The following LARP4B variants were observed in gnomAD, a reference collection of about 807,000 sequenced individuals.
LARP4B encodes La ribonucleoprotein 4B.
LARP4B carries 12 observed loss-of-function variants against 89.8 expected under a neutral mutation model. That is an observed-to-expected ratio of 0.13 (90% CI 0.09 to 0.22). The LOEUF (loss-of-function observed/expected upper bound fraction) is 0.22. Among genes scored for constraint, LARP4B ranks in the 10% least tolerant of loss-of-function variants. LARP4B has a pLI of 1.00. For synonymous variants in LARP4B, 367 were observed against 363.3 expected, an observed-to-expected ratio of 1.01 and a Z score of -0.12; for missense variants, 757 against 947.7, an observed-to-expected ratio of 0.80 and a Z score of 2.64.
At chr10:860,127 T>TGGGG (rs60607691) in intron 5 of LARP4B, among the ~76,000 whole-genome samples, 21 of 96,200 alleles carry the variant, frequency 2.2e-4, no homozygotes, top group East Asian at 8.0e-4. Context: ...TGTGTGGGGG[T>TGGGG]GGGGGGGAGG....
At chr10:953,779 C>T in the LARP4B span, among the ~76,000 whole-genome samples, 3 of 152,202 alleles carry the variant, frequency 2.0e-5, no homozygotes, top group South Asian at 2.1e-4. Flanking sequence ...GAAGAGACGC[C>T]GGTTGTAAGG....
At chr10:917,238 CT>C (rs1205581767) in intron 1 of LARP4B, among the ~76,000 whole-genome samples, 1 of 152,132 alleles carries the variant, frequency 6.6e-6, no homozygotes, top group African/African-American at 2.4e-5. Context: ...GTCGAGGAAG[CT>C]TTTTTCTTTC....
At chr10:808,178 T>TAC (rs1441530649), downstream of LARP4B, 1 of 152,276 alleles carries the variant, frequency 6.6e-6, no homozygotes, top group African/African-American at 2.4e-5. Context: ...AATCCACAGA[T>TAC]ACACGGTGGT....
At chr10:843,103 T>C (rs201848603) in intron 6 of LARP4B, 35 bp from the exon 7 acceptor site, 281 of 1,597,296 alleles carry the variant, frequency 1.8e-4, no homozygotes, top group Non-Finnish European at 2.4e-4. Flanking sequence ...TAATCAGTAT[T>C]TCTTTAAAAG....
chr10:949,793 TC>T, the LARP4B span, among the ~76,000 whole-genome samples: 2 of 152,228 alleles, frequency 1.3e-5, no homozygotes, highest in East Asian at 3.8e-4. Context: ...TGCTGATTTT[TC>T]TAACTGGACT....
At chr10:971,378 T>C in the LARP4B span, 13 of 152,144 alleles carry the variant, frequency 8.5e-5, no homozygotes, top group Admixed American at 3.9e-4. Flanking sequence ...ACATGTAGAA[T>C]GTGGAACTGA....
intron 1 of LARP4B, among the ~76,000 whole-genome samples, chr10:919,040 C>T (rs1836908573): frequency 6.6e-6 from 1 of 152,100 alleles, no homozygotes; most frequent in South Asian, 2.1e-4. Context: ...GAGATCAAGC[C>T]ACTGCACTCC....
chr10:841,310 CA>C (rs1300495233), intron 7 of LARP4B, among the ~76,000 whole-genome samples: 1 of 152,140 alleles, frequency 6.6e-6, no homozygotes, highest in African/African-American at 2.4e-5. Flanking sequence ...TAGGTTCTTA[CA>C]AAGGCATGTA....
At chr10:886,453 A>G (rs1835860835) in intron 1 of LARP4B, among the ~76,000 whole-genome samples, 1 of 152,224 alleles carries the variant, frequency 6.6e-6, no homozygotes. Flanking sequence ...CTGAGTATTT[A>G]TCCAAAGGCA....
rs535995912 is a variant in LARP4B, at chr10:914,213, T to C, written c.-40+17215A>G. On this transcript the variant is annotated intron_variant, in intron 1 of 17. Coordinates refer to ENST00000316157, the MANE Select transcript of LARP4B (RefSeq NM_015155.3). ...TGGGTTTTTCACTGGAAATTCGAGTTACTAAGAGTTAAAATTGTAGTTAAT... is the reference window on the plus strand; with the variant it reads ...TGGGTTTTTCACTGGAAATTCGAGTCACTAAGAGTTAAAATTGTAGTTAAT... Among the ~76,000 whole-genome samples the C allele has an allele frequency of 2.6e-5, 4 of 152,300 alleles. No individual in the cohort carries two copies. The East Asian group carries it at 7.7e-4, about 29-fold the overall frequency.
the LARP4B span, chr10:972,626 A>G: frequency 4.4e-6 from 2 of 457,402 alleles, no homozygotes; most frequent in Admixed American, 4.7e-5. Context: ...CCAAGCAATC[A>G]TGAAACATTC....
Position 829,386 on chromosome 10 carries a change from A to G in LARP4B, c.1124T>C (p.Leu375Ser), listed in dbSNP as rs1180183310. Residue 375 changes from leucine to serine, a missense_variant and splice_region_variant, in exon 11 of 18, where the codon TTG becomes TCG. Transcript: ENST00000316157. ...SATHSYLDPP[L>S]VTPFPNTGFI... ...ATTCCTAGTAAAGAAATGACGTACCAAGGGTGGGTCAAGATAGCTGTGCGT... is the reference window on the plus strand; with the variant it reads ...ATTCCTAGTAAAGAAATGACGTACCGAGGGTGGGTCAAGATAGCTGTGCGT... 4.4e-6 allele frequency: 7 copies of G among 1,590,520 alleles called. No individual in the cohort carries two copies. Among genetic ancestry groups the G allele is most frequent in the Non-Finnish European group, 6.0e-6 (7 of 1,166,980 alleles).
At chr10:926,878 G>A (rs1837151877) in intron 1 of LARP4B, among the ~76,000 whole-genome samples, 1 of 152,008 alleles carries the variant, frequency 6.6e-6, no homozygotes, top group Non-Finnish European at 1.5e-5. Context: ...TTGTACTAAA[G>A]TACAAAAATT....
At chr10:988,214 G>C in the LARP4B span, 2 of 455,788 alleles carry the variant, frequency 4.4e-6, no homozygotes, top group East Asian at 3.9e-5. Flanking sequence ...TACTCAGCAG[G>C]AATTTAGTCT....
At chr10:865,379 G>A (rs1834848774) in intron 3 of LARP4B, among the ~76,000 whole-genome samples, 3 of 152,142 alleles carry the variant, frequency 2.0e-5, no homozygotes, top group South Asian at 4.1e-4. Context: ...GTCCCACAGG[G>A]CAGTCCTCTA....
chr10:843,150 G>A, intron 6 of LARP4B, 82 bp from the exon 7 acceptor site: 1 of 1,215,538 alleles, frequency 8.2e-7, no homozygotes, highest in South Asian at 1.4e-5. Context: ...TTCACAAGAG[G>A]CGTGAGTGTG....
At chr10:839,070 G>C (rs762858059) in intron 7 of LARP4B, among the ~76,000 whole-genome samples, 1 of 152,218 alleles carries the variant, frequency 6.6e-6, no homozygotes, top group Non-Finnish European at 1.5e-5. Flanking sequence ...CAAAACTACA[G>C]AGGCAGTAAA....
chr10:859,364 A>G (rs1451149169), intron 5 of LARP4B, among the ~76,000 whole-genome samples: 2 of 152,172 alleles, frequency 1.3e-5, no homozygotes, highest in African/African-American at 4.8e-5. Flanking sequence ...GGAATGTAAA[A>G]TACTATGGCC....
Position 827,213 on chromosome 10 carries a change from T to C in LARP4B, c.1126-1343A>G, listed in dbSNP as rs934790155. On this transcript the variant is annotated intron_variant, in intron 11 of 17. Coordinates refer to ENST00000316157, the MANE Select transcript of LARP4B (RefSeq NM_015155.3). ...ATGGCGTGAACCCGGGAGGCGGAGC[T>C]TGCAGTGAGCCAAGATCCGGCCACT... Among the ~76,000 whole-genome samples, 12 of 152,104 alleles carry C rather than the reference T, an allele frequency of 7.9e-5. No individual in the cohort carries two copies. The East Asian group carries it at 2.1e-3, about 27-fold the overall frequency.
Sources: gnomAD v4.1 joint callset for allele counts (sites outside exome capture counted in the v4.1 genomes callset) on GRCh38, gnomAD v4.1.1 for gene constraint, MANE v1.5 for transcripts, NCBI Gene and HGNC (gene_info 2026-07-23, HGNC 2026-07-21) for gene names.